Variants in SMARCAD1 observed in about 807,000 individuals in gnomAD.
The protein encoded by SMARCAD1 is SWI/SNF-related matrix-associated actin-dependent regulator of chromatin subfamily A containing DEAD/H box 1.
In SMARCAD1, 25 loss-of-function variants were observed where a neutral mutation model predicts 127.1. The observed-to-expected ratio is 0.20, with a 90% confidence interval of 0.14 to 0.27. SMARCAD1 has a LOEUF of 0.27. SMARCAD1 is among the 10% of genes least tolerant of loss of function. SMARCAD1 has a pLI of 1.00. For missense variants in SMARCAD1, 807 were observed against 1,206.0 expected (o/e 0.67, Z 4.90); for synonymous variants, 400 against 396.9 (o/e 1.01, Z -0.09).
At chr4:94,219,447 T>G (rs1743737988) in intron 2 of SMARCAD1, among the ~76,000 whole-genome samples, 1 of 152,064 alleles carries the variant, frequency 6.6e-6, no homozygotes, top group Non-Finnish European at 1.5e-5. Context: ...AGCCTTGATC[T>G]TGGACCACCG....
intron 2 of SMARCAD1, among the ~76,000 whole-genome samples, chr4:94,216,306 A>ACC (rs1743171334): frequency 6.6e-6 from 1 of 151,266 alleles, no homozygotes; most frequent in Non-Finnish European, 1.5e-5. Context: ...AGACCATAGC[A>ACC]CCCCCTTTGT....
intron 15 of SMARCAD1, among the ~76,000 whole-genome samples, 165 bp from the exon 16 acceptor site, chr4:94,276,857 C>T (rs766589219): frequency 2.6e-5 from 4 of 152,094 alleles, no homozygotes; most frequent in South Asian, 2.1e-4. Context: ...TTGATAATAG[C>T]GGACGTCAAT....
intron 14 of SMARCAD1, 43 bp from the exon 15 acceptor site, chr4:94,276,296 C>T (rs376060629): frequency 1.2e-5 from 19 of 1,611,178 alleles, no homozygotes; most frequent in African/African-American, 2.7e-5. Flanking sequence ...ACTCCAAGCT[C>T]TTAAAGGTAT....
intron 18 of SMARCAD1, 65 bp from the exon 19 acceptor site, chr4:94,278,864 A>T: frequency 1.2e-6 from 2 of 1,605,740 alleles, no homozygotes; most frequent in Non-Finnish European, 1.7e-6. Context: ...TTTAAAACTT[A>T]GTTGATATAT....
intron 6 of SMARCAD1, chr4:94,248,452 G>A (rs1391205239): frequency 2.2e-6 from 1 of 456,098 alleles, no homozygotes; most frequent in South Asian, 1.5e-5. Context: ...CCATCTGTGA[G>A]CTTTAAAATA....
chr4:94,268,933 T>C (rs1237083330), intron 10 of SMARCAD1, among the ~76,000 whole-genome samples: 2 of 152,224 alleles, frequency 1.3e-5, no homozygotes, highest in Admixed American at 1.3e-4. Flanking sequence ...ACATGTTCCA[T>C]TTGTTACTAC....
At chr4:94,223,692 C>G (rs1337719852) in intron 2 of SMARCAD1, among the ~76,000 whole-genome samples, 2 of 151,170 alleles carry the variant, frequency 1.3e-5, no homozygotes, top group African/African-American at 2.4e-5. Context: ...CCTCACCTCC[C>G]CAGTAGCTGG....
chr4:94,208,856 G>A (rs1364576080), intron 2 of SMARCAD1, among the ~76,000 whole-genome samples: 1 of 152,122 alleles, frequency 6.6e-6, no homozygotes, highest in Non-Finnish European at 1.5e-5. Context: ...AGGTCAGAAC[G>A]GTTGCTATTG....
intron 3 of SMARCAD1, among the ~76,000 whole-genome samples, chr4:94,230,288 T>C (rs1364752075): frequency 1.3e-5 from 2 of 152,114 alleles, no homozygotes; most frequent in African/African-American, 2.4e-5. Context: ...CGTGTATTTT[T>C]TTTTTTGTTT....
Position 94,281,535 on chromosome 4 carries a change from A to G in SMARCAD1, c.2671A>G (p.Lys891Glu). The change falls in exon 21 of 24, where the codon AAA (lysine) becomes GAA (glutamate). Residue 891 changes from lysine (K) to glutamate (E), a missense_variant. Coordinates refer to ENST00000354268, the MANE Select transcript of SMARCAD1 (RefSeq NM_020159.5). ...GCTGGATATCTTAGAGGTTCTATTA[A>G]AACATCATCAGCATAGGTACCTCAG... ...MMLDILEVLL[K>E]HHQHRYLRLD... 1 of 1,613,528 alleles carries G rather than the reference A, an allele frequency of 6.2e-7. No homozygotes were observed. Among genetic ancestry groups the G allele is most frequent in the South Asian group, 1.1e-5 (1 of 91,072 alleles).
chr4:94,223,494 AAAAT>A (rs572759566), intron 2 of SMARCAD1, among the ~76,000 whole-genome samples: 182 of 152,244 alleles, frequency 1.2e-3, no homozygotes, highest in African/African-American at 4.0e-3. Context: ...CTCTGTCTCA[AAAAT>A]AAATAAATAA....
Position 94,290,352 on chromosome 4 carries a change from C to T in SMARCAD1, c.*818C>T, listed in dbSNP as rs1010391628. 9 of 454,388 alleles carry T rather than the reference C, an allele frequency of 2.0e-5. No homozygotes were observed. Among genetic ancestry groups the T allele is most frequent in the Non-Finnish European group, 3.1e-5 (7 of 226,776 alleles). The allele number at this position is 454,388 out of a possible 1,614,324, so 28.1% of individuals were successfully genotyped here. On this transcript the variant is annotated 3_prime_UTR_variant, in exon 24 of 24. Transcript: ENST00000354268. ...TTGCCCAGTCACTTCTGCTCCAATT[C>T]TCTTCCTCTCTAAATAGTAGTTTAT... is the stretch of plus-strand genomic sequence containing the variant.
intron 11 of SMARCAD1, 95 bp from the exon 12 acceptor site, chr4:94,273,522 A>C (rs1307773088): frequency 1.1e-6 from 1 of 912,482 alleles, no homozygotes; most frequent in Non-Finnish European, 1.7e-6. Flanking sequence ...TCAAAAGTGA[A>C]TACAGCACAG....
intron 2 of SMARCAD1, among the ~76,000 whole-genome samples, chr4:94,220,345 T>G (rs920810452): frequency 2.6e-5 from 4 of 152,174 alleles, no homozygotes; most frequent in Non-Finnish European, 4.4e-5. Flanking sequence ...CCTCCCAGAT[T>G]GAAGCAATTC....
chr4:94,281,166 C>T (rs1176301672), intron 20 of SMARCAD1, among the ~76,000 whole-genome samples: 1 of 152,162 alleles, frequency 6.6e-6, no homozygotes, highest in East Asian at 1.9e-4. Context: ...ATAATACATA[C>T]ATAAGCAGTT....
At chr4:94,239,731 C>T (rs1431119717) in intron 5 of SMARCAD1, among the ~76,000 whole-genome samples, 2 of 151,960 alleles carry the variant, frequency 1.3e-5, no homozygotes, top group African/African-American at 4.8e-5. Context: ...CACCACCACG[C>T]CTAGCTAATT....
At chr4:94,250,903 G>C in intron 8 of SMARCAD1, 70 bp downstream of exon 8, 1 of 1,237,208 alleles carries the variant, frequency 8.1e-7, no homozygotes, top group Non-Finnish European at 1.2e-6. Flanking sequence ...TAAGAAAATG[G>C]TATATAAGAA....
chr4:94,284,326 C>CAAAAAAAAAAAAAAA (rs1161926658), intron 22 of SMARCAD1, among the ~76,000 whole-genome samples: 3 of 25,922 alleles, frequency 1.2e-4, no homozygotes, highest in Non-Finnish European at 7.6e-5. Flanking sequence ...GACTCCGTCT[C>CAAAAAAAAAAAAAAA]AAAAAAAAAA....
chr4:94,259,058 T>C (rs1172925679), intron 9 of SMARCAD1, among the ~76,000 whole-genome samples: 1 of 152,196 alleles, frequency 6.6e-6, no homozygotes, highest in East Asian at 1.9e-4. Flanking sequence ...TTACCCACAA[T>C]ATATTAAGAC....
Sources: allele counts gnomAD v4.1 joint callset (sites outside exome capture counted in the v4.1 genomes callset), GRCh38; gene constraint gnomAD v4.1.1; transcripts MANE v1.5; gene names NCBI Gene and HGNC (gene_info 2026-07-23, HGNC 2026-07-21).